Variants in CADM2 observed in about 807,000 individuals in gnomAD.
The protein encoded by CADM2 is cell adhesion molecule 2.
CADM2 carries 12 observed loss-of-function variants against 49.8 expected under a neutral mutation model. That is an observed-to-expected ratio of 0.24 (90% confidence interval 0.15 to 0.39). The LOEUF is 0.39. Among genes scored for constraint, CADM2 ranks in the 10% least tolerant of loss-of-function variants. The pLI is 1.00. For synonymous variants in CADM2, 214 were observed against 175.4 expected, an observed-to-expected ratio of 1.22 and a Z score of -1.74; for missense variants, 378 against 492.3, an observed-to-expected ratio of 0.77 and a Z score of 2.20.
chr3:85,354,750 G>A (rs1318982150), intron 1 of CADM2, among the ~76,000 whole-genome samples: 4 of 151,936 alleles, frequency 2.6e-5, no homozygotes, highest in African/African-American at 9.7e-5. Context: ...ATAAAGAGTT[G>A]CAGCTTACAG....
chr3:85,103,225 G>A (rs990507041), intron 1 of CADM2, among the ~76,000 whole-genome samples: 10 of 152,140 alleles, frequency 6.6e-5, no homozygotes, highest in African/African-American at 9.7e-5. Flanking sequence ...AGAGGTTTCA[G>A]ATGACTCGAT....
At chr3:85,445,132 G>A (rs1420762141) in intron 1 of CADM2, among the ~76,000 whole-genome samples, 1 of 152,028 alleles carries the variant, frequency 6.6e-6, no homozygotes, top group Non-Finnish European at 1.5e-5. Flanking sequence ...TTTTGTTGAC[G>A]AGTAAACCGA....
At chr3:85,714,297 A>C (rs1471990887) in intron 1 of CADM2, among the ~76,000 whole-genome samples, 1 of 152,086 alleles carries the variant, frequency 6.6e-6, no homozygotes, top group Non-Finnish European at 1.5e-5. Flanking sequence ...GCTTGAACAC[A>C]ATAGGCCAGA....
At chr3:85,564,359 C>A (rs1025186434) in intron 1 of CADM2, among the ~76,000 whole-genome samples, 1 of 152,024 alleles carries the variant, frequency 6.6e-6, no homozygotes, top group Non-Finnish European at 1.5e-5. Flanking sequence ...AGTCAGATAT[C>A]TTAGCAATGA....
intron 1 of CADM2, among the ~76,000 whole-genome samples, chr3:85,062,474 A>T (rs545472964): frequency 1.3e-5 from 2 of 152,114 alleles, no homozygotes; most frequent in East Asian, 3.9e-4. Flanking sequence ...GAAATATTCC[A>T]TTTAAGAGAA....
intron 1 of CADM2, among the ~76,000 whole-genome samples, chr3:85,289,143 A>G (rs921832417): frequency 6.6e-6 from 1 of 152,214 alleles, no homozygotes; most frequent in Admixed American, 6.5e-5. Context: ...AAAGATGCAC[A>G]TAAGTGGCAA....
chr3:86,027,433 T>G (rs2107116530), intron 8 of CADM2, among the ~76,000 whole-genome samples: 1 of 152,324 alleles, frequency 6.6e-6, no homozygotes, highest in Admixed American at 6.5e-5. Flanking sequence ...TCATTCTTTC[T>G]GCATATTTTA....
At chr3:85,434,522 A>C (rs2036837455) in intron 1 of CADM2, among the ~76,000 whole-genome samples, 1 of 152,064 alleles carries the variant, frequency 6.6e-6, no homozygotes. Context: ...AAATCAAATT[A>C]TTGCTTTATT....
At chr3:85,817,691 C>T (rs2073296473) in intron 3 of CADM2, among the ~76,000 whole-genome samples, 1 of 152,108 alleles carries the variant, frequency 6.6e-6, no homozygotes, top group African/African-American at 2.4e-5. Flanking sequence ...TTGAACCGAC[C>T]TTGACTGATT....
At chr3:85,621,574 G>C (rs892977068) in intron 1 of CADM2, among the ~76,000 whole-genome samples, 14 of 151,966 alleles carry the variant, frequency 9.2e-5, no homozygotes, top group African/African-American at 3.1e-4. Context: ...AGTTCAATGC[G>C]ATTACTCTGC....
Position 85,047,950 on chromosome 3 carries a change from G to A in CADM2, c.61+88282G>A, listed in dbSNP as rs561574051. Among the ~76,000 whole-genome samples, 4 of 152,152 alleles carry A rather than the reference G, an allele frequency of 2.6e-5. No homozygotes were observed. The South Asian group carries it at 8.3e-4, about 32-fold the overall frequency. On this transcript the variant is annotated intron_variant, in intron 1 of 9. Coordinates refer to ENST00000383699, the MANE Select transcript of CADM2 (RefSeq NM_001167675.2). Reference sequence around the variant, plus strand: ...CTGCAGAGTGACAGTAATAACACAAGTCTGAAATTAAAGCCCCAACTTTTA... The same window carrying A: ...CTGCAGAGTGACAGTAATAACACAAATCTGAAATTAAAGCCCCAACTTTTA...
chr3:85,316,455 T>C (rs2044466140), intron 1 of CADM2, among the ~76,000 whole-genome samples: 1 of 152,144 alleles, frequency 6.6e-6, no homozygotes. Context: ...AAATATTTCA[T>C]TGTTTTATTT....
In CADM2 at chr3:85,360,745, C is replaced by T. The variant is rs76664928; in HGVS notation, c.62-365777C>T. On this transcript the variant is annotated intron_variant, in intron 1 of 9. Transcript: ENST00000383699. The stretch of plus-strand genomic sequence containing the variant: ...CACCCTTATTGCCACTGCCCTGGTC[C>T]GAATCCTCTTTACATTTTATTGAAG... Among the ~76,000 whole-genome samples, 15 of 152,202 alleles carry T rather than the reference C, an allele frequency of 9.9e-5. No homozygotes were observed. In the East Asian group the frequency reaches 2.9e-3, roughly 29 times the overall value.
rs1362385671 is a variant in CADM2, at chr3:84,959,577, G to C, written c.-31G>C. Reference sequence around the variant, plus strand: ...CTCACCAGCATCTACTTGCCCCCTCGTTCCTTCCCCAGCCCTTTAGAGAAG... The same window carrying C: ...CTCACCAGCATCTACTTGCCCCCTCCTTCCTTCCCCAGCCCTTTAGAGAAG... On this transcript the variant is annotated 5_prime_UTR_variant, in exon 1 of 10. Transcript: ENST00000383699. 1.3e-6 allele frequency: 2 copies of C among 1,534,898 alleles called. No homozygotes were observed. The highest frequency in any genetic ancestry group is 2.4e-5 in the South Asian group (2 of 84,002).
At chr3:85,029,847 A>G (rs1312576420) in intron 1 of CADM2, among the ~76,000 whole-genome samples, 4 of 152,188 alleles carry the variant, frequency 2.6e-5, no homozygotes, top group African/African-American at 9.7e-5. Flanking sequence ...CTCATAAAAG[A>G]CTTTCAATAG....
intron 1 of CADM2, among the ~76,000 whole-genome samples, chr3:85,111,975 G>A (rs1234317172): frequency 2.6e-5 from 4 of 151,820 alleles, no homozygotes; most frequent in Non-Finnish European, 5.9e-5. Context: ...AATTCCATTA[G>A]AGCACCTATC....
intron 3 of CADM2, among the ~76,000 whole-genome samples, chr3:85,803,772 G>GTAGA (rs2072224967): frequency 1.3e-5 from 2 of 151,996 alleles, no homozygotes; most frequent in Non-Finnish European, 2.9e-5. Context: ...AGAATAATCT[G>GTAGA]CTTTACTCAA....
chr3:85,475,470 T>C (rs2038938500), intron 1 of CADM2, among the ~76,000 whole-genome samples: 1 of 151,998 alleles, frequency 6.6e-6, no homozygotes, highest in South Asian at 2.1e-4. Flanking sequence ...TTGTCATTTA[T>C]GGGAATAAAT....
intron 8 of CADM2, among the ~76,000 whole-genome samples, chr3:85,965,562 C>T (rs1439849361): frequency 1.3e-5 from 2 of 151,288 alleles, no homozygotes; most frequent in African/African-American, 2.4e-5. Context: ...TAGGTTAACG[C>T]TATTGAAAAA....
Sources: allele counts gnomAD v4.1 joint callset (sites outside exome capture counted in the v4.1 genomes callset), GRCh38; gene constraint gnomAD v4.1.1; transcripts MANE v1.5; gene names NCBI Gene and HGNC (gene_info 2026-07-23, HGNC 2026-07-21).